RNF213: variants seen among roughly 807,000 people sequenced by gnomAD.
The protein encoded by RNF213 is E3 ubiquitin-protein ligase RNF213.
A neutral mutation model predicts 514.4 loss-of-function variants in RNF213; 341 were observed. That is an observed-to-expected ratio of 0.66 (90% CI 0.61 to 0.73). The LOEUF is 0.73. Among genes scored for constraint, RNF213 ranks in the 30% least tolerant of loss-of-function variants. RNF213 has a pLI of 0.00. For synonymous variants in RNF213, 2,655 were observed against 2,658.2 expected (o/e 1.00, Z 0.04); for missense variants, 5,767 against 6,615.6 (o/e 0.87, Z 4.45).
intron 48 of RNF213, 61 bp from the exon 49 acceptor site, chr17:80,372,914 T>C: frequency 6.5e-7 from 1 of 1,549,066 alleles, no homozygotes; most frequent in South Asian, 1.2e-5. Context: ...GTTGGCCTTG[T>C]GTCCTACAAT....
At chr17:80,291,859 C>T in intron 8 of RNF213, 32 bp downstream of exon 8, 1 of 1,610,116 alleles carries the variant, frequency 6.2e-7, no homozygotes, top group Non-Finnish European at 8.5e-7. Flanking sequence ...TCTGCTCACC[C>T]CTCCGGAGTG....
chr17:80,353,711 C>T lies in RNF213; in HGVS notation c.10578+45C>T, dbSNP rs753136889. 1.9e-6 allele frequency: 3 copies of T among 1,612,078 alleles called. No individual in the cohort carries two copies. The highest frequency in any genetic ancestry group is 1.1e-5 in the South Asian group (1 of 91,004). On this transcript the variant is annotated intron_variant, in intron 34 of 67. Coordinates refer to ENST00000582970, the MANE Select transcript of RNF213 (RefSeq NM_001256071.3). This position sits in a 1 kb window ranked among gnomAD's most constrained non-coding sequence, Gnocchi z 5.0. ...ACCTCCCCTTGTGCTGCTGGTGATG[C>T]TTCTGAGCTGCATCTTTAAACGCTT...
chr17:80,272,941 C>T (rs1399458947), intron 2 of RNF213, among the ~76,000 whole-genome samples: 1 of 152,114 alleles, frequency 6.6e-6, no homozygotes, highest in East Asian at 1.9e-4. Context: ...GGTGCGCTGA[C>T]ATCCTAGTAC....
rs909441370 is a variant in RNF213, at chr17:80,377,614, T to C, written c.13511-148T>C. 3.6e-6 allele frequency: 3 copies of C among 839,018 alleles called. No individual in the cohort carries two copies. Among genetic ancestry groups the C allele is most frequent in the South Asian group, 1.3e-5 (1 of 74,922 alleles). 52.0% of individuals were successfully genotyped at this position (839,018 alleles called of 1,614,324 possible). ...TTTATTAAGCTTCAGGCAGGTGTCA[T>C]GTAACTTAACAAATTAGCGTGGGAT... On this transcript the variant is annotated intron_variant, in intron 53 of 67. Transcript: ENST00000582970. This position sits in a 1 kb window ranked among gnomAD's most constrained non-coding sequence, Gnocchi z 4.1.
chr17:80,317,280 A>C lies in RNF213; in HGVS notation c.2901+3A>C. 1.2e-6 allele frequency: 2 copies of C among 1,611,972 alleles called. No individual in the cohort carries two copies. The highest frequency in any genetic ancestry group is 8.5e-7 in the Non-Finnish European group (1 of 1,179,578). On this transcript the variant is annotated splice_donor_region_variant and intron_variant, in intron 16 of 67. Transcript: ENST00000582970. The surrounding 1 kb of genome is among the most constrained non-coding windows in gnomAD (Gnocchi z 4.1). ...ACATGGAATGGAGGCTCACAAAGGT[A>C]CCAAAAGTTTGGGGGCAGTCTTTTC...
In RNF213 at chr17:80,369,812, G is replaced by A; in HGVS notation, c.12370G>A (p.Val4124Met). ...TKSLSPFNDVVDKTPVIRSVI... is the reference protein window; with the variant it reads ...TKSLSPFNDVMDKTPVIRSVI... ...ATCTCTCTCTCCATTCAATGATGTT[G>A]TGGATAAGACTCCTGTCATCCGCTC... The change falls in exon 46 of 68, where the codon GTG becomes ATG. Residue 4124 changes from valine (V) to methionine (M), a missense_variant. Physicochemically the swap from Val to Met is conservative, Grantham distance 21 (BLOSUM62 1). This residue lies in a region of RNF213 where 12 missense variants were observed against 34.6 expected (regional missense o/e 0.35). Transcript: ENST00000582970. 1 of 1,614,024 alleles carries A rather than the reference G, an allele frequency of 6.2e-7. No individual in the cohort carries two copies. Among genetic ancestry groups the A allele is most frequent in the Non-Finnish European group, 8.5e-7 (1 of 1,179,936 alleles).
chr17:80,387,623 C>T (rs142378840), intron 63 of RNF213, among the ~76,000 whole-genome samples: 21 of 152,340 alleles, frequency 1.4e-4, no homozygotes, highest in Non-Finnish European at 2.5e-4. Flanking sequence ...CTTCAGTCCA[C>T]GGCCTAAAAC....
At chr17:80,368,603 T>C (rs923979546) in intron 44 of RNF213, among the ~76,000 whole-genome samples, 1 of 152,118 alleles carries the variant, frequency 6.6e-6, no homozygotes, top group African/African-American at 2.4e-5. Context: ...CGGCTAATTT[T>C]TGTATTTTTA....
rs929238847 is a variant in RNF213 at position 80,364,450 on chromosome 17, T to C, written c.11768T>C (p.Ile3923Thr). The stretch of plus-strand genomic sequence containing the variant: ...TTTGACAGAGCCCAGTGGAGTCGGA[T>C]TTTCTCCACCGCACTCTTCGTGGAG... ...IREVRAQWSRIFSTALFVEHV... is the reference protein window; with the variant it reads ...IREVRAQWSRTFSTALFVEHV... Residue 3923 changes from isoleucine (I) to threonine (T), a missense_variant, in exon 42 of 68, where the codon ATT becomes ACT. Ile to Thr is a moderately conservative substitution (Grantham distance 89). This residue lies in a region of RNF213 where 355 missense variants were observed against 358.0 expected (regional missense o/e 0.99). Transcript: ENST00000582970. 3 of 1,613,826 alleles carry C rather than the reference T, an allele frequency of 1.9e-6. No homozygotes were observed. The highest frequency in any genetic ancestry group is 2.5e-6 in the Non-Finnish European group (3 of 1,179,966).
chr17:80,325,328 CA>C, intron 18 of RNF213, 130 bp downstream of exon 18: 1 of 909,922 alleles, frequency 1.1e-6, no homozygotes, highest in Non-Finnish European at 1.6e-6. Flanking sequence ...ACAAAGGCTG[CA>C]GTTTGGACAG....
intron 32 of RNF213, 30 bp downstream of exon 32, chr17:80,351,833 A>G (rs779667271): frequency 1.3e-4 from 143 of 1,120,562 alleles, no homozygotes; most frequent in Non-Finnish European, 2.0e-5. Flanking sequence ...CAGGGTATTT[A>G]TTTATGTATT....
rs891328251 is a variant in RNF213, at chr17:80,291,114, T to A, written c.1271+386T>A. On this transcript the variant is annotated intron_variant, in intron 7 of 67. Transcript: ENST00000582970. ...GGCATGAGCCACTGCGCCCAGCCTT[T>A]AAATAATTTTTATCCAGTGAGTTGA... Among the ~76,000 whole-genome samples the A allele has an allele frequency of 4.6e-5, 7 of 152,028 alleles. 1 individual carries two copies. Among genetic ancestry groups the A allele is most frequent in the Admixed American group, 1.3e-4 (2 of 15,274 alleles).
intron 3 of RNF213, among the ~76,000 whole-genome samples, chr17:80,277,897 CAG>C (rs1156322900): frequency 1.3e-5 from 2 of 152,170 alleles, no homozygotes; most frequent in Non-Finnish European, 2.9e-5. Context: ...CACCCTGCAG[CAG>C]AGTCAGGTGG....
chr17:80,319,148 G>C (rs762681030), intron 16 of RNF213, 42 bp from the exon 17 acceptor site: 6 of 1,614,082 alleles, frequency 3.7e-6, no homozygotes, highest in Non-Finnish European at 5.1e-6. Flanking sequence ...CTGGAGCGCT[G>C]CATCCGAAAG....
intron 3 of RNF213, among the ~76,000 whole-genome samples, chr17:80,276,829 G>C (rs2044075763): frequency 6.6e-6 from 1 of 152,058 alleles, no homozygotes; most frequent in African/African-American, 2.4e-5. Flanking sequence ...GAGGTGGGTG[G>C]ATCACGAGGT....
chr17:80,318,664 C>T (rs902564269), intron 16 of RNF213, among the ~76,000 whole-genome samples: 10 of 152,118 alleles, frequency 6.6e-5, no homozygotes, highest in South Asian at 2.1e-4. Flanking sequence ...AACTCCGCCT[C>T]CCGGGTTCAC....
At chr17:80,348,334 C>T in intron 29 of RNF213, 48 bp downstream of exon 29, 1 of 1,601,152 alleles carries the variant, frequency 6.2e-7, no homozygotes, top group Non-Finnish European at 8.5e-7. Flanking sequence ...ACCCAAGAGT[C>T]CTAAATCCCT....
intron 15 of RNF213, among the ~76,000 whole-genome samples, chr17:80,316,879 C>T (rs889510359): frequency 6.6e-6 from 1 of 152,228 alleles, no homozygotes; most frequent in African/African-American, 2.4e-5. Flanking sequence ...TTCTTGCGAC[C>T]TTTTTGAAAG....
chr17:80,368,200 AAC>A, intron 44 of RNF213, 57 bp downstream of exon 44: 20 of 1,567,192 alleles, frequency 1.3e-5, no homozygotes, highest in Non-Finnish European at 1.8e-5. Flanking sequence ...TTTTTTGGCA[AAC>A]ACAATATTCA....
Sources: allele counts gnomAD v4.1 joint callset (sites outside exome capture counted in the v4.1 genomes callset), GRCh38; gene constraint gnomAD v4.1.1; regional missense constraint gnomAD v4.1.1; non-coding constraint Gnocchi (gnomAD v3.1); transcripts MANE v1.5; gene names NCBI Gene and HGNC (gene_info 2026-07-23, HGNC 2026-07-21).